The following TRIM33 variants were observed in gnomAD, a reference collection of about 807,000 sequenced individuals.
TRIM33 encodes the protein tripartite motif containing 33.
TRIM33 carries 20 observed loss-of-function variants against 125.4 expected under a neutral mutation model. The observed-to-expected ratio is 0.16, with a 90% CI of 0.11 to 0.23. The LOEUF (loss-of-function observed/expected upper bound fraction) is 0.23, where lower values mean the gene tolerates loss of function less well. TRIM33 is among the 10% of genes least tolerant of loss of function. TRIM33 has a pLI of 1.00. For synonymous variants in TRIM33, 564 were observed against 513.9 expected (o/e 1.10, Z -1.32); for missense variants, 920 against 1,411.4 (o/e 0.65, Z 5.58).
At chr1:114,448,978 A>G (rs1251578152) in intron 4 of TRIM33, among the ~76,000 whole-genome samples, 1 of 152,164 alleles carries the variant, frequency 6.6e-6, no homozygotes, top group African/African-American at 2.4e-5. Flanking sequence ...AAATCCACAT[A>G]TATTAAAATT....
At chr1:114,494,073 T>C (rs1306072396) in intron 1 of TRIM33, among the ~76,000 whole-genome samples, 1 of 152,092 alleles carries the variant, frequency 6.6e-6, no homozygotes, top group Non-Finnish European at 1.5e-5. Flanking sequence ...TCTGCCCACC[T>C]TGGCCTCCCA....
rs114036369 is a variant in TRIM33, at chr1:114,430,402, C to T, written c.1155+396G>A. Among the ~76,000 whole-genome samples, 608 of 152,086 alleles carry T rather than the reference C, an allele frequency of 4.0e-3. 3 individuals carry two copies. Among genetic ancestry groups the T allele is most frequent in the African/African-American group, 0.014 (564 of 41,464 alleles). On this transcript the variant is annotated intron_variant, in intron 6 of 19. Coordinates refer to ENST00000358465, the MANE Select transcript of TRIM33 (RefSeq NM_015906.4). Reference sequence around the variant, plus strand: ...TGTGACTACTGGTGCATGCCACCACCCTGGCTAATTTTTGTATTTTTTGTA... The same window carrying T: ...TGTGACTACTGGTGCATGCCACCACTCTGGCTAATTTTTGTATTTTTTGTA...
At chr1:114,488,753 A>G (rs1376716047) in intron 1 of TRIM33, among the ~76,000 whole-genome samples, 1 of 152,176 alleles carries the variant, frequency 6.6e-6, no homozygotes, top group Non-Finnish European at 1.5e-5. Flanking sequence ...ACAGAGCAAG[A>G]TCTGTCCTTT....
intron 4 of TRIM33, among the ~76,000 whole-genome samples, chr1:114,461,281 TTATTA>T (rs1476683314): frequency 1.4e-5 from 2 of 140,848 alleles, no homozygotes; most frequent in Admixed American, 1.4e-4. Context: ...ATATTTATTA[TTATTA>T]TATATTTATA....
At chr1:114,436,599 G>C (rs186549701) in intron 4 of TRIM33, among the ~76,000 whole-genome samples, 19 of 151,986 alleles carry the variant, frequency 1.3e-4, no homozygotes, top group Non-Finnish European at 4.4e-5. Flanking sequence ...CGAGTAGCTG[G>C]GACTACAGAC....
intron 1 of TRIM33, among the ~76,000 whole-genome samples, chr1:114,481,665 A>ATGTGTGTG (rs1651362211): frequency 7.7e-6 from 1 of 130,646 alleles, no homozygotes; most frequent in African/African-American, 2.9e-5. Context: ...GTGTGTGTAT[A>ATGTGTGTG]TATATGTGTG....
At chr1:114,472,930 CA>C (rs960700481) in intron 1 of TRIM33, among the ~76,000 whole-genome samples, 47 of 143,914 alleles carry the variant, frequency 3.3e-4, no homozygotes, top group Non-Finnish European at 2.8e-4. Flanking sequence ...TGAGCAGAAA[CA>C]AAAAAAAAAA....
At chr1:114,437,499 C>G (rs1198418084) in intron 4 of TRIM33, among the ~76,000 whole-genome samples, 1 of 152,118 alleles carries the variant, frequency 6.6e-6, no homozygotes, top group Non-Finnish European at 1.5e-5. Context: ...TCACGACACC[C>G]AGCTAATTTT....
chr1:114,434,584 A>G (rs1408314885), intron 4 of TRIM33, among the ~76,000 whole-genome samples: 1 of 152,258 alleles, frequency 6.6e-6, no homozygotes, highest in African/African-American at 2.4e-5. Flanking sequence ...GGAAGCTAGA[A>G]TAATAGTTTT....
intron 8 of TRIM33, among the ~76,000 whole-genome samples, chr1:114,426,762 A>G (rs1209162062): frequency 1.3e-5 from 2 of 152,204 alleles, no homozygotes; most frequent in Non-Finnish European, 2.9e-5. Flanking sequence ...TCTTTCAAAC[A>G]TTCCTCAGGA....
At chr1:114,468,252 T>C (rs1650425705) in intron 1 of TRIM33, 1 of 236,612 alleles carries the variant, frequency 4.2e-6, no homozygotes, top group Non-Finnish European at 8.3e-6. Context: ...GCAGCGCTGC[T>C]GCTGGGGGCT....
intron 8 of TRIM33, among the ~76,000 whole-genome samples, chr1:114,426,702 G>A (rs2101164914): frequency 6.6e-6 from 1 of 152,096 alleles, no homozygotes; most frequent in East Asian, 1.9e-4. Context: ...ATACTACGCT[G>A]TAACAAAAGG....
At chr1:114,440,287 T>C (rs952849951) in intron 4 of TRIM33, among the ~76,000 whole-genome samples, 4 of 151,612 alleles carry the variant, frequency 2.6e-5, no homozygotes, top group Non-Finnish European at 4.4e-5. Flanking sequence ...GTAGTGCTTC[T>C]AGGCAATAGC....
At chr1:114,457,937 C>A (rs958160937) in intron 4 of TRIM33, among the ~76,000 whole-genome samples, 3 of 152,198 alleles carry the variant, frequency 2.0e-5, no homozygotes, top group African/African-American at 4.8e-5. Flanking sequence ...TGAAGAAAGA[C>A]ACTGGTAAAA....
At position 114,490,845 on chromosome 1, in the gene TRIM33, A is replaced by T. The variant is rs1027117417; in HGVS notation, c.526+19706T>A. 3.3e-5 allele frequency: 5 copies of T among 152,278 alleles called. No homozygotes were observed. In the East Asian group the frequency reaches 9.6e-4, roughly 29 times the overall value. The allele number at this position is 152,278 out of a possible 1,614,324, so 9.4% of individuals were successfully genotyped here. On this transcript the variant is annotated intron_variant, in intron 1 of 19. Transcript: ENST00000358465. ...TGACTAGTTTTTTTAAAAAGTATTTAAAAAAAGAATGAAGCACTGATACAT... is the reference window on the plus strand; with the variant it reads ...TGACTAGTTTTTTTAAAAAGTATTTTAAAAAAGAATGAAGCACTGATACAT...
At chr1:114,404,815 T>TTG (rs1652128376) in intron 15 of TRIM33, 1 of 151,514 alleles carries the variant, frequency 6.6e-6, no homozygotes, top group Non-Finnish European at 1.5e-5. Flanking sequence ...ATATCTTTTT[T>TTG]TTTTTTTTTT....
intron 9 of TRIM33, among the ~76,000 whole-genome samples, 177 bp downstream of exon 9, chr1:114,425,272 T>A (rs1187546382): frequency 6.6e-6 from 1 of 152,238 alleles, no homozygotes; most frequent in Non-Finnish European, 1.5e-5. Flanking sequence ...ACTTACTGCC[T>A]TTCTTCACAG....
At chr1:114,496,889 T>C (rs747701585) in intron 1 of TRIM33, among the ~76,000 whole-genome samples, 1 of 152,238 alleles carries the variant, frequency 6.6e-6, no homozygotes, top group Non-Finnish European at 1.5e-5. Flanking sequence ...GAGTTGGGAA[T>C]AATGTAATCA....
chr1:114,406,826 G>T, intron 14 of TRIM33, 115 bp downstream of exon 14: 1 of 1,063,540 alleles, frequency 9.4e-7, no homozygotes, highest in Non-Finnish European at 1.3e-6. Context: ...TGCCAGGCAT[G>T]AAATTTCAAA....
Sources: gnomAD v4.1 joint callset for allele counts (sites outside exome capture counted in the v4.1 genomes callset) on GRCh38, gnomAD v4.1.1 for gene constraint, MANE v1.5 for transcripts, NCBI Gene and HGNC (gene_info 2026-07-23, HGNC 2026-07-21) for gene names.